RAP1A: variants seen among roughly 807,000 people sequenced by gnomAD.
RAP1A encodes ras-related protein Rap-1A.
In RAP1A, 6 loss-of-function variants were observed where a neutral mutation model predicts 26.4. The observed-to-expected ratio is 0.23, with a 90% CI of 0.12 to 0.45. The LOEUF (loss-of-function observed/expected upper bound fraction) is 0.45, where lower values mean the gene tolerates loss of function less well. Among genes scored for constraint, RAP1A ranks in the 20% least tolerant of loss-of-function variants. The pLI is 0.99. For synonymous variants in RAP1A, 73 were observed against 79.4 expected, an observed-to-expected ratio of 0.92 and a Z score of 0.43; for missense variants, 121 against 217.2, an observed-to-expected ratio of 0.56 and a Z score of 2.78.
At chr1:111,626,370 T>TACAC (rs3084315) in intron 1 of RAP1A, among the ~76,000 whole-genome samples, 279 of 149,388 alleles carry the variant, frequency 1.9e-3, no homozygotes, top group East Asian at 7.6e-3. Context: ...TATGTATACA[T>TACAC]ACACACACAC....
At chr1:111,615,283 G>A (rs1658993706), upstream of RAP1A, among the ~76,000 whole-genome samples, 1 of 151,762 alleles carries the variant, frequency 6.6e-6, no homozygotes, top group South Asian at 2.1e-4. Context: ...CAATGCTTCA[G>A]GAAGATGGTT....
intron 1 of RAP1A, among the ~76,000 whole-genome samples, chr1:111,620,141 CAG>C (rs1036442685): frequency 1.3e-5 from 2 of 152,176 alleles, no homozygotes; most frequent in African/African-American, 2.4e-5. Flanking sequence ...CCGCCAGGGC[CAG>C]AGCCAACCAC....
chr1:111,662,394 C>CAAAA (rs60481679), intron 1 of RAP1A, among the ~76,000 whole-genome samples: 2 of 103,396 alleles, frequency 1.9e-5, no homozygotes, highest in African/African-American at 3.9e-5. Context: ...GACTCCATCT[C>CAAAA]AAAAAAAAAA....
chr1:111,662,312 G>A (rs1051303156), intron 1 of RAP1A, among the ~76,000 whole-genome samples: 13 of 150,390 alleles, frequency 8.6e-5, no homozygotes, highest in Non-Finnish European at 1.6e-4. Flanking sequence ...AGAGAATGGC[G>A]TGAATCCGGG....
At chr1:111,671,188 A>G in intron 1 of RAP1A, among the ~76,000 whole-genome samples, 1 of 152,196 alleles carries the variant, frequency 6.6e-6, no homozygotes, top group East Asian at 1.9e-4. Flanking sequence ...GTACAGTCAC[A>G]GCTCCCTGTG....
chr1:111,584,232 T>A (rs1339027028), intron 1 of RAP1A, among the ~76,000 whole-genome samples: 2 of 152,186 alleles, frequency 1.3e-5, no homozygotes, highest in Non-Finnish European at 2.9e-5. Flanking sequence ...TGATTGGAGA[T>A]GTACAACAAG....
At chr1:111,689,468 C>A (rs574657855) in intron 1 of RAP1A, among the ~76,000 whole-genome samples, 4 of 152,068 alleles carry the variant, frequency 2.6e-5, no homozygotes, top group Non-Finnish European at 5.9e-5. Context: ...TTGTTAATAC[C>A]CTCCAGTGAT....
intron 5 of RAP1A, 131 bp from the exon 6 acceptor site, chr1:111,704,212 T>G: frequency 1.2e-6 from 1 of 843,280 alleles, no homozygotes; most frequent in Non-Finnish European, 1.7e-6. Flanking sequence ...ATACTTTTCG[T>G]TAGTATTTGA....
chr1:111,709,518 GT>G (rs1204480129), intron 7 of RAP1A, among the ~76,000 whole-genome samples: 1 of 152,126 alleles, frequency 6.6e-6, no homozygotes, highest in Admixed American at 6.5e-5. Context: ...ACAGAGTTGG[GT>G]TTTAAAAAAT....
chr1:111,635,255 T>G (rs1335889735), intron 1 of RAP1A, among the ~76,000 whole-genome samples: 5 of 152,228 alleles, frequency 3.3e-5, no homozygotes, highest in Non-Finnish European at 7.3e-5. Context: ...TTTGCTTCAG[T>G]TACGTCATAT....
intron 1 of RAP1A, among the ~76,000 whole-genome samples, chr1:111,549,640 A>C (rs1657180283): frequency 7.1e-6 from 1 of 141,124 alleles, no homozygotes; most frequent in Non-Finnish European, 1.5e-5. Flanking sequence ...ACAGAGTGAG[A>C]CTCTGTTTCA....
chr1:111,701,452 T>C (rs1161891495), intron 4 of RAP1A, among the ~76,000 whole-genome samples: 2 of 152,176 alleles, frequency 1.3e-5, no homozygotes, highest in African/African-American at 2.4e-5. Flanking sequence ...AACCTTTACT[T>C]TTCTCTATAA....
chr1:111,644,688 A>G (rs1660010361), intron 1 of RAP1A, among the ~76,000 whole-genome samples: 1 of 152,234 alleles, frequency 6.6e-6, no homozygotes, highest in Admixed American at 6.5e-5. Flanking sequence ...GTCAGCTGGT[A>G]AAACTAACAT....
At chr1:111,650,307 TC>T (rs1468902572) in intron 1 of RAP1A, 2 of 152,138 alleles carry the variant, frequency 1.3e-5, no homozygotes, top group African/African-American at 2.4e-5. Flanking sequence ...TCAAAGAGTT[TC>T]TATGCAGAAA....
At chr1:111,598,534 G>A (rs759346639) in intron 1 of RAP1A, among the ~76,000 whole-genome samples, 2 of 151,896 alleles carry the variant, frequency 1.3e-5, no homozygotes, top group East Asian at 1.9e-4. Context: ...TACATACCCC[G>A]GACCAACCAT....
At chr1:111,668,588 A>G (rs1660870625) in intron 1 of RAP1A, among the ~76,000 whole-genome samples, 1 of 152,182 alleles carries the variant, frequency 6.6e-6, no homozygotes. Context: ...AAGGTTAGTA[A>G]AGTAGTAGAA....
chr1:111,608,776 C>A (rs1658865413), intron 1 of RAP1A: 1 of 157,122 alleles, frequency 6.4e-6, no homozygotes, highest in Admixed American at 6.5e-5. Flanking sequence ...CGTCGCGCGC[C>A]TGCAATTGCA....
intron 1 of RAP1A, among the ~76,000 whole-genome samples, chr1:111,665,251 T>G (rs977363365): frequency 4.6e-5 from 7 of 152,210 alleles, no homozygotes; most frequent in Non-Finnish European, 8.8e-5. Context: ...ATTATGCATT[T>G]TTACTTATAA....
At chr1:111,549,586 G>T (rs1242144863) in intron 1 of RAP1A, among the ~76,000 whole-genome samples, 1 of 150,438 alleles carries the variant, frequency 6.6e-6, no homozygotes, top group Non-Finnish European at 1.5e-5. Flanking sequence ...GGAGGCGGAG[G>T]TTGTGGTGAG....
Sources: allele counts gnomAD v4.1 joint callset (sites outside exome capture counted in the v4.1 genomes callset), GRCh38; gene constraint gnomAD v4.1.1; transcripts MANE v1.5; gene names NCBI Gene and HGNC (gene_info 2026-07-23, HGNC 2026-07-21).